TRPS1: variants seen among roughly 807,000 people sequenced by gnomAD.
TRPS1 encodes zinc finger transcription factor Trps1.
A neutral mutation model predicts 101.2 loss-of-function variants in TRPS1; 6 were observed. The ratio of observed to expected loss-of-function variants is 0.06; its 90% CI spans 0.03 to 0.12. The LOEUF (loss-of-function observed/expected upper bound fraction) is 0.12, where lower values mean the gene tolerates loss of function less well. Among genes scored for constraint, TRPS1 ranks in the 10% least tolerant of loss-of-function variants. The probability of loss-of-function intolerance (pLI) is 1.00; values close to 1 mark genes in which losing one functional copy is unlikely to be tolerated. For synonymous variants in TRPS1, 578 were observed against 589.8 expected (o/e 0.98, Z 0.29); for missense variants, 1,363 against 1,567.0 (o/e 0.87, Z 2.20).
At chr8:115,479,691 C>G (rs185322228) in intron 5 of TRPS1, among the ~76,000 whole-genome samples, 1 of 152,202 alleles carries the variant, frequency 6.6e-6, no homozygotes, top group East Asian at 1.9e-4. Context: ...ATTTAACAGA[C>G]AGCTAGGACA....
chr8:115,586,991 A>G lies in TRPS1; in HGVS notation c.2700+10T>C, dbSNP rs76046106. On this transcript the variant is annotated intron_variant, in intron 5 of 6. Coordinates refer to ENST00000395715, the MANE Select transcript of TRPS1 (RefSeq NM_014112.5). ...AACAAATGAATTATTTAAAAATGAA[A>G]CCATCCTACCCGTAACAGGGACTGG... The G allele has an allele frequency of 5.9e-3, 9,506 of 1,614,004 alleles. 440 individuals carry two copies. In the African/African-American group the frequency reaches 0.11, roughly 19 times the overall value.
At chr8:115,428,073 G>A (rs1248058417) in intron 5 of TRPS1, among the ~76,000 whole-genome samples, 1 of 152,010 alleles carries the variant, frequency 6.6e-6, no homozygotes, top group African/African-American at 2.4e-5. Context: ...TGGTGCTGGG[G>A]TTTTGACATG....
chr8:115,532,273 T>C (rs1411241392), intron 5 of TRPS1, among the ~76,000 whole-genome samples: 1 of 151,648 alleles, frequency 6.6e-6, no homozygotes, highest in Non-Finnish European at 1.5e-5. Flanking sequence ...ACATGGTAAA[T>C]GGCATGGTAA....
At chr8:115,512,381 G>T (rs1815607493) in intron 5 of TRPS1, among the ~76,000 whole-genome samples, 1 of 151,644 alleles carries the variant, frequency 6.6e-6, no homozygotes, top group Non-Finnish European at 1.5e-5. Flanking sequence ...ATTTCTTCAA[G>T]AATTGGACAT....
At chr8:115,560,838 C>T (rs1315014157) in intron 5 of TRPS1, among the ~76,000 whole-genome samples, 1 of 152,066 alleles carries the variant, frequency 6.6e-6, no homozygotes, top group African/African-American at 2.4e-5. Flanking sequence ...GCATAAAAAT[C>T]CCTACTGAGT....
rs137885072 is a variant in TRPS1 at position 115,439,949 on chromosome 8, G to A, written c.2701-21497C>T. Reference sequence around the variant, plus strand: ...TGTTATTTCAATTGTGTTATGGGCTGCACTTTAGATCTAAAAAGAAACATT... The same window carrying A: ...TGTTATTTCAATTGTGTTATGGGCTACACTTTAGATCTAAAAAGAAACATT... On this transcript the variant is annotated intron_variant, in intron 5 of 6. Transcript: ENST00000395715. 4.4e-3 allele frequency among the ~76,000 whole-genome samples: 675 copies of A among 152,218 alleles called. 9 individuals carry two copies. Among genetic ancestry groups the A allele is most frequent in the Non-Finnish European group, 6.7e-3 (458 of 68,012 alleles).
intron 5 of TRPS1, among the ~76,000 whole-genome samples, chr8:115,554,135 T>C (rs1230950725): frequency 6.6e-6 from 1 of 152,176 alleles, no homozygotes; most frequent in Non-Finnish European, 1.5e-5. Flanking sequence ...GCTTTCCCAT[T>C]CACTAAACTA....
intron 5 of TRPS1, among the ~76,000 whole-genome samples, chr8:115,492,666 A>G (rs1184106600): frequency 2.0e-5 from 3 of 152,140 alleles, no homozygotes; most frequent in Non-Finnish European, 2.9e-5. Context: ...CGTTTCTCTG[A>G]AAAGTAAGTG....
intron 5 of TRPS1, among the ~76,000 whole-genome samples, chr8:115,568,887 T>C (rs1257155994): frequency 6.6e-6 from 1 of 152,164 alleles, no homozygotes; most frequent in Non-Finnish European, 1.5e-5. Context: ...AGCATCTCAC[T>C]TTCTCTTATT....
chr8:115,638,448 A>T (rs1009951425), intron 1 of TRPS1, among the ~76,000 whole-genome samples: 1 of 152,170 alleles, frequency 6.6e-6, no homozygotes, highest in African/African-American at 2.4e-5. Flanking sequence ...TAAGGTCATG[A>T]AGGTACCTTT....
intron 5 of TRPS1, among the ~76,000 whole-genome samples, chr8:115,582,306 G>T (rs1212413983): frequency 2.0e-5 from 3 of 152,088 alleles, no homozygotes; most frequent in Admixed American, 6.6e-5. Context: ...GGTTGTAAAG[G>T]CATTCAACAT....
intron 5 of TRPS1, among the ~76,000 whole-genome samples, chr8:115,507,532 A>G (rs1028895498): frequency 1.3e-5 from 2 of 149,980 alleles, no homozygotes; most frequent in African/African-American, 2.5e-5. Context: ...AGAGAAGCAC[A>G]GAAACGACTC....
chr8:115,587,276 C>T lies in TRPS1; in HGVS notation c.2425G>A (p.Gly809Arg). 1 of 1,614,236 alleles carries T rather than the reference C, an allele frequency of 6.2e-7. No individual in the cohort carries two copies. The highest frequency in any genetic ancestry group is 8.5e-7 in the Non-Finnish European group (1 of 1,180,030). ...SDDLRNVTWR[G>R]ADILRGSPSY... is the part of the protein sequence containing the mutation. ...GGACTCCCCCGCAGGATGTCTGCCC[C>T]TCTCCAAGTCACATTGCGAAGGTCA... The change falls in exon 5 of 7, where the codon GGG becomes AGG. Residue 809 changes from glycine to arginine, a missense_variant. Gly to Arg is a moderately radical substitution (Grantham distance 125). Transcript: ENST00000395715.
intron 5 of TRPS1, among the ~76,000 whole-genome samples, chr8:115,476,014 T>TAAGTGCAAGTAAAATCAGCATAAAA (rs1586312131): frequency 3.8e-5 from 2 of 52,818 alleles, no homozygotes; most frequent in Non-Finnish European, 7.0e-5. Context: ...TCTTTTTTTT[T>TAAGTGCAAGTAAAATCAGCATAAAA]TTTTTTTTTT....
At chr8:115,591,762 G>A (rs370254598) in intron 4 of TRPS1, among the ~76,000 whole-genome samples, 1 of 152,202 alleles carries the variant, frequency 6.6e-6, no homozygotes, top group African/African-American at 2.4e-5. Flanking sequence ...CAGGTTTTAT[G>A]TCGAAAAGGA....
Position 115,604,594 on chromosome 8 carries a change from A to G in TRPS1, c.1375T>C (p.Ser459Pro). 1 of 1,614,044 alleles carries G rather than the reference A, an allele frequency of 6.2e-7. No individual in the cohort carries two copies. ...CKFCSFSCESSSSLKLLEHYG... is the reference protein window; with the variant it reads ...CKFCSFSCESPSSLKLLEHYG... ...TGTTCTAGCAGTTTAAGTGAGCTAGATGACTCACAGCTGAAACTACAAAAT... is the reference window on the plus strand; with the variant it reads ...TGTTCTAGCAGTTTAAGTGAGCTAGGTGACTCACAGCTGAAACTACAAAAT... The change falls in exon 4 of 7, where the codon TCT (serine) becomes CCT (proline). Residue 459 changes from serine to proline, a missense_variant. This residue lies in a region of TRPS1 where 1,020 missense variants were observed against 1,073.0 expected (regional missense o/e 0.95). Coordinates refer to ENST00000395715, the MANE Select transcript of TRPS1 (RefSeq NM_014112.5). This position sits in a 1 kb window ranked among gnomAD's most constrained non-coding sequence, Gnocchi z 4.1.
At position 115,619,578 on chromosome 8, in the gene TRPS1, T is replaced by C; in HGVS notation, c.520A>G (p.Thr174Ala). The C allele has an allele frequency of 6.2e-7, 1 of 1,614,212 alleles. No individual in the cohort carries two copies. The highest frequency in any genetic ancestry group is 1.1e-5 in the South Asian group (1 of 91,086). ...CTCTGTGCTTGCCCTGTTTCCTCTGTAGCCTTTGGTGACATCTTCTGATCT... is the reference window on the plus strand; with the variant it reads ...CTCTGTGCTTGCCCTGTTTCCTCTGCAGCCTTTGGTGACATCTTCTGATCT... ...KEDQKMSPKA[T>A]EETGQAQSGQ... Residue 174 changes from threonine to alanine, a missense_variant, in exon 3 of 7, where the codon ACA (threonine) becomes GCA (alanine). By Grantham distance (58) the Thr-to-Ala change is moderately conservative. Transcript: ENST00000395715.
At chr8:115,479,288 G>T (rs1814693656) in intron 5 of TRPS1, among the ~76,000 whole-genome samples, 1 of 151,992 alleles carries the variant, frequency 6.6e-6, no homozygotes, top group Non-Finnish European at 1.5e-5. Context: ...TGGTACAGGA[G>T]GCAACAACAG....
intron 5 of TRPS1, among the ~76,000 whole-genome samples, chr8:115,469,643 A>G (rs1473914653): frequency 1.3e-5 from 2 of 150,224 alleles, no homozygotes; most frequent in African/African-American, 2.5e-5. Context: ...GAAGCTCCCA[A>G]GTAGCTTCCA....
Sources: gnomAD v4.1 joint callset for allele counts (sites outside exome capture counted in the v4.1 genomes callset) on GRCh38, gnomAD v4.1.1 for gene constraint, gnomAD v4.1.1 regional missense constraint, Gnocchi (gnomAD v3.1) non-coding constraint, MANE v1.5 for transcripts, NCBI Gene and HGNC (gene_info 2026-07-23, HGNC 2026-07-21) for gene names.